NR4A1: variants seen among roughly 807,000 people sequenced by gnomAD.
NR4A1 encodes the protein nuclear receptor subfamily 4immunitygroup A member 1.
A neutral mutation model predicts 47.5 loss-of-function variants in NR4A1; 24 were observed. That is an observed-to-expected ratio of 0.50 (90% CI 0.37 to 0.71). NR4A1 has a LOEUF of 0.71. Ranked by LOEUF, NR4A1 falls within the 30% of genes least tolerant of loss-of-function variation. NR4A1 has a pLI of 0.00. For synonymous variants in NR4A1, 353 were observed against 345.7 expected (o/e 1.02, Z -0.24); for missense variants, 669 against 788.6 (o/e 0.85, Z 1.82).
At chr12:52,039,277 G>T (rs1453258265) in intron 1 of NR4A1, among the ~76,000 whole-genome samples, 3 of 152,202 alleles carry the variant, frequency 2.0e-5, no homozygotes, top group Non-Finnish European at 1.5e-5. Flanking sequence ...TCTGGGTAGG[G>T]ATATTGGCCA....
chr12:52,040,681 G>C (rs1025218100), intron 1 of NR4A1, among the ~76,000 whole-genome samples: 13 of 152,160 alleles, frequency 8.5e-5, no homozygotes, highest in African/African-American at 2.9e-4. Flanking sequence ...TGTAAGGGGA[G>C]AGCCTGGGTA....
chr12:52,057,485 G>T lies in NR4A1; in HGVS notation c.1495G>T (p.Asp499Tyr). ...FSRSLHSLLV[D>Y]VPAFACLSAL... ...AAGGTCCCTGCACAGCTTGCTTGTCGATGTCCCTGCCTTCGCCTGCCTCTC... is the reference window on the plus strand; with the variant it reads ...AAGGTCCCTGCACAGCTTGCTTGTCTATGTCCCTGCCTTCGCCTGCCTCTC... Residue 499 changes from aspartate to tyrosine, a missense_variant, in exon 6 of 7, where the codon GAT (aspartate) becomes TAT (tyrosine). Coordinates refer to ENST00000394825, the MANE Select transcript of NR4A1 (RefSeq NM_173157.3). The T allele has an allele frequency of 6.2e-7, 1 of 1,614,140 alleles. No homozygotes were observed. Among genetic ancestry groups the T allele is most frequent in the Non-Finnish European group, 8.5e-7 (1 of 1,180,034 alleles).
rs545901661 is a variant in NR4A1 at position 52,054,129 on chromosome 12, C to G, written c.-2-198C>G. On this transcript the variant is annotated intron_variant, in intron 1 of 6. Coordinates refer to ENST00000394825, the MANE Select transcript of NR4A1 (RefSeq NM_173157.3). ...CTCATGCTGGGCCGCTGCCCAGGGGCTTTGTGGCACCTAGGTCGAGATGGT... is the reference window on the plus strand; with the variant it reads ...CTCATGCTGGGCCGCTGCCCAGGGGGTTTGTGGCACCTAGGTCGAGATGGT... The G allele has an allele frequency of 2.9e-5, 17 of 582,504 alleles. No homozygotes were observed. In the East Asian group the frequency reaches 4.8e-4, roughly 17 times the overall value. 36.1% of individuals were successfully genotyped at this position (582,504 alleles called of 1,614,324 possible).
intron 1 of NR4A1, chr12:52,038,443 G>C: frequency 2.5e-6 from 1 of 400,166 alleles, no homozygotes; most frequent in Non-Finnish European, 4.6e-6. Context: ...TTTATTTACA[G>C]TGAATTGTTA....
At chr12:52,028,119 T>C (rs1340235739) in intron 1 of NR4A1, among the ~76,000 whole-genome samples, 1 of 145,810 alleles carries the variant, frequency 6.9e-6, no homozygotes, top group Non-Finnish European at 1.5e-5. Flanking sequence ...GGAGGATCGC[T>C]TGAGCCCAGG....
intron 2 of NR4A1, 171 bp from the exon 3 acceptor site, chr12:52,055,859 C>CCA: frequency 2.1e-6 from 1 of 469,326 alleles, no homozygotes; most frequent in Non-Finnish European, 3.7e-6. Context: ...TTCTCTCCCC[C>CCA]CGCCCAACCC....
At chr12:52,031,811 G>T (rs1446597075) in intron 1 of NR4A1, among the ~76,000 whole-genome samples, 7 of 128,898 alleles carry the variant, frequency 5.4e-5, no homozygotes, top group African/African-American at 2.2e-4. Context: ...ACGGAGTCTC[G>T]CTCTGTTGCC....
At chr12:52,048,550 T>C (rs535898558), upstream of NR4A1, among the ~76,000 whole-genome samples, 35 of 152,042 alleles carry the variant, frequency 2.3e-4, no homozygotes, top group African/African-American at 3.1e-4. Context: ...GCCGAGATAG[T>C]GCCACTGCAC....
In NR4A1 at chr12:52,058,542, A is replaced by G. The variant is rs1484812656; in HGVS notation, c.1541-146A>G. 4.9e-6 allele frequency: 5 copies of G among 1,029,502 alleles called. No homozygotes were observed. The Admixed American group carries it at 1.5e-4, about 31-fold the overall frequency. 63.8% of individuals were successfully genotyped at this position (1,029,502 alleles called of 1,614,324 possible). A position where few individuals can be genotyped will look rare whatever the true frequency, so the allele number is the denominator to read the frequency against. ...TCTCAGACTTGTGACGATGCTTACT[A>G]ATGGCCAACATGTGAATGCGCTTTT... On this transcript the variant is annotated intron_variant, in intron 6 of 6. Transcript: ENST00000394825.
At chr12:52,039,803 G>A (rs1436156058) in intron 1 of NR4A1, among the ~76,000 whole-genome samples, 1 of 152,248 alleles carries the variant, frequency 6.6e-6, no homozygotes, top group Non-Finnish European at 1.5e-5. Flanking sequence ...GTGTGGTGGG[G>A]TGGGGATGCA....
At chr12:52,051,265 G>T (rs1162467981), upstream of NR4A1, 1 of 247,112 alleles carries the variant, frequency 4.0e-6, no homozygotes. Context: ...CCCCCTCCTC[G>T]CCCCGCCCCC....
chr12:52,024,531 CA>C lies in NR4A1; in HGVS notation c.-84+1598del, dbSNP rs540563600. 4.1e-3 allele frequency among the ~76,000 whole-genome samples: 625 copies of C among 152,150 alleles called. 1 individual carries two copies. Among genetic ancestry groups the C allele is most frequent in the African/African-American group, 0.013 (559 of 41,486 alleles). ...GCAACATAGCAAGACCTCGTCTCTA[CA>C]AAAAATTTTTAAAAATGATCTGAGT... On this transcript the variant is annotated intron_variant, in intron 1 of 7. Coordinates refer to the NR4A1 transcript ENST00000360284.
At chr12:52,043,282 C>T (rs1313826968) in intron 2 of NR4A1, 1 of 159,170 alleles carries the variant, frequency 6.3e-6, no homozygotes, top group Admixed American at 5.9e-5. Context: ...GGCCAGGTGT[C>T]CCTCCCTCAA....
At chr12:52,037,546 C>G in intron 1 of NR4A1, 3 of 981,978 alleles carry the variant, frequency 3.1e-6, no homozygotes, top group Non-Finnish European at 3.6e-6. Flanking sequence ...CGCCGGAGTC[C>G]CGCTTGGAAA....
At chr12:52,042,724 G>C (rs541937104) in intron 2 of NR4A1, among the ~76,000 whole-genome samples, 7 of 152,328 alleles carry the variant, frequency 4.6e-5, no homozygotes, top group African/African-American at 1.7e-4. Flanking sequence ...CTGGGGCTGA[G>C]AGGTGGAGGA....
intron 1 of NR4A1, chr12:52,041,790 CAT>C (rs1938448647): frequency 1.5e-6 from 2 of 1,321,188 alleles, no homozygotes; most frequent in Non-Finnish European, 1.9e-6. Flanking sequence ...TCTTCACTCA[CAT>C]CGACTCTCCC....
At chr12:52,040,010 C>T (rs1323415882) in intron 1 of NR4A1, among the ~76,000 whole-genome samples, 1 of 152,124 alleles carries the variant, frequency 6.6e-6, no homozygotes, top group Non-Finnish European at 1.5e-5. Flanking sequence ...TGGTCCACCC[C>T]ATTTTGGGGG....
At chr12:52,044,702 G>A (rs986816901) in intron 2 of NR4A1, among the ~76,000 whole-genome samples, 2 of 152,200 alleles carry the variant, frequency 1.3e-5, no homozygotes, top group African/African-American at 2.4e-5. Context: ...TTTTGCCCAC[G>A]TAGGCTGGGT....
intron 6 of NR4A1, 43 bp downstream of exon 6, chr12:52,057,573 AG>A (rs1939342447): frequency 6.2e-7 from 1 of 1,606,690 alleles, no homozygotes; most frequent in African/African-American, 1.3e-5. Flanking sequence ...AATGGGCGTC[AG>A]GGGGTTGACT....
Sources: allele counts gnomAD v4.1 joint callset (sites outside exome capture counted in the v4.1 genomes callset), GRCh38; gene constraint gnomAD v4.1.1; transcripts MANE v1.5; gene names NCBI Gene and HGNC (gene_info 2026-07-23, HGNC 2026-07-21).